The following NEDD4L variants were observed in gnomAD, a reference collection of about 807,000 sequenced individuals.
NEDD4L encodes NEDD4 like E3 ubiquitin protein ligase.
In NEDD4L, 54 loss-of-function variants were observed where a neutral mutation model predicts 148.9. That is an observed-to-expected ratio of 0.36 (90% CI 0.29 to 0.45). The LOEUF is 0.45. NEDD4L is among the 20% of genes least tolerant of loss of function. The pLI, the probability that NEDD4L is intolerant of heterozygous loss-of-function variation, is 1.00. For missense variants in NEDD4L, 856 were observed against 1,233.8 expected (o/e 0.69, Z 4.59); for synonymous variants, 433 against 440.7 (o/e 0.98, Z 0.22).
intron 23 of NEDD4L, among the ~76,000 whole-genome samples, chr18:58,370,843 C>T (rs904952084): frequency 6.6e-6 from 1 of 152,164 alleles, no homozygotes; most frequent in Non-Finnish European, 1.5e-5. Flanking sequence ...TTCCTGACAT[C>T]ATAAAAATGG....
chr18:58,298,365 A>G (rs999210479), intron 5 of NEDD4L, among the ~76,000 whole-genome samples: 1 of 152,194 alleles, frequency 6.6e-6, no homozygotes, highest in African/African-American at 2.4e-5. Flanking sequence ...AACCCTGGTT[A>G]TCTTAGTAAA....
At chr18:58,237,558 C>T (rs2046177728) in intron 2 of NEDD4L, among the ~76,000 whole-genome samples, 1 of 152,116 alleles carries the variant, frequency 6.6e-6, no homozygotes, top group Admixed American at 6.5e-5. Context: ...TTGTGACTTC[C>T]ACTGAACAAC....
chr18:58,094,168 CCT>C (rs2084238930), intron 1 of NEDD4L, among the ~76,000 whole-genome samples: 2 of 149,838 alleles, frequency 1.3e-5, no homozygotes, highest in African/African-American at 4.9e-5. Flanking sequence ...TCCTGCACCC[CCT>C]TTTTTTTTTT....
At chr18:58,149,777 T>G (rs2034487655) in intron 1 of NEDD4L, among the ~76,000 whole-genome samples, 1 of 152,228 alleles carries the variant, frequency 6.6e-6, no homozygotes, top group African/African-American at 2.4e-5. Context: ...TAACCAGGCC[T>G]GATTGGTTTT....
At chr18:58,372,971 G>T in intron 23 of NEDD4L, 1 of 510,330 alleles carries the variant, frequency 2.0e-6, no homozygotes, top group South Asian at 2.1e-5. Context: ...GGATTTAACT[G>T]CAAGCTCATT....
chr18:58,094,166 C>G (rs534970800), intron 1 of NEDD4L, among the ~76,000 whole-genome samples: 1 of 150,204 alleles, frequency 6.7e-6, no homozygotes, highest in South Asian at 2.1e-4. Flanking sequence ...ACTCCTGCAC[C>G]CCCTTTTTTT....
chr18:58,370,158 A>G (rs2046659641), intron 22 of NEDD4L, among the ~76,000 whole-genome samples: 1 of 150,740 alleles, frequency 6.6e-6, no homozygotes, highest in Admixed American at 6.6e-5. Flanking sequence ...CTCATCTGTC[A>G]CCTCCCAGAG....
At chr18:58,262,856 A>G (rs1319264717) in intron 5 of NEDD4L, among the ~76,000 whole-genome samples, 1 of 152,166 alleles carries the variant, frequency 6.6e-6, no homozygotes, top group Non-Finnish European at 1.5e-5. Context: ...GTTTCATGCC[A>G]TGTCCTAAAC....
At position 58,348,326 on chromosome 18, in the gene NEDD4L, C is replaced by CTTTTTTT. The variant is rs771263533; in HGVS notation, c.1576-1194_1576-1188dup. Among the ~76,000 whole-genome samples, 737 of 88,606 alleles carry CTTTTTTT rather than the reference C, an allele frequency of 8.3e-3. 50 individuals carry two copies. Among genetic ancestry groups the CTTTTTTT allele is most frequent in the African/African-American group, 0.011 (196 of 18,508 alleles). The allele number at this position is 88,606 out of a possible 152,430, so 58.1% of individuals were successfully genotyped here. On this transcript the variant is annotated intron_variant, in intron 16 of 30. Coordinates refer to ENST00000400345, the MANE Select transcript of NEDD4L (RefSeq NM_001144967.3). The stretch of plus-strand genomic sequence containing the variant: ...CACTGCATTTCTTTTTCTTTTTTTT[C>CTTTTTTT]TTTTTTTTTTTTTTTTTTTTTTTGA...
intron 1 of NEDD4L, among the ~76,000 whole-genome samples, chr18:58,074,640 A>G (rs1453579383): frequency 6.6e-6 from 1 of 151,962 alleles, no homozygotes; most frequent in African/African-American, 2.4e-5. Flanking sequence ...GGGTAATTTG[A>G]GGGTATCAAA....
chr18:58,238,084 T>G (rs889484074), intron 2 of NEDD4L, among the ~76,000 whole-genome samples: 4 of 152,248 alleles, frequency 2.6e-5, no homozygotes, highest in Non-Finnish European at 5.9e-5. Context: ...AGGTGAAGAA[T>G]GCATTTGACT....
chr18:58,385,129 G>A (rs2048836102), intron 25 of NEDD4L, among the ~76,000 whole-genome samples: 1 of 152,176 alleles, frequency 6.6e-6, no homozygotes, highest in Non-Finnish European at 1.5e-5. Context: ...ATATATGTGG[G>A]TGTGTATACG....
intron 1 of NEDD4L, among the ~76,000 whole-genome samples, chr18:58,068,190 CTTT>C (rs201565393): frequency 1.0e-4 from 11 of 109,296 alleles, no homozygotes; most frequent in African/African-American, 4.2e-4. Context: ...TCCTAGAATT[CTTT>C]TTTTTTTTTT....
At chr18:58,195,660 A>T in intron 2 of NEDD4L, 3 of 1,351,862 alleles carry the variant, frequency 2.2e-6, no homozygotes, top group Non-Finnish European at 2.9e-6. Context: ...GTTAGGGGAA[A>T]CAGACCATCT....
At chr18:58,176,397 G>A (rs541995246) in intron 2 of NEDD4L, among the ~76,000 whole-genome samples, 1 of 152,298 alleles carries the variant, frequency 6.6e-6, no homozygotes, top group East Asian at 1.9e-4. Context: ...GTGCAGGGGT[G>A]CAATCATAGC....
chr18:58,357,572 C>T, intron 19 of NEDD4L: 1 of 513,582 alleles, frequency 1.9e-6, no homozygotes. Flanking sequence ...TGAAGCAAAA[C>T]CAAGCCCTAT....
At chr18:58,284,796 A>T (rs1286922269) in intron 5 of NEDD4L, among the ~76,000 whole-genome samples, 4 of 152,238 alleles carry the variant, frequency 2.6e-5, no homozygotes, top group African/African-American at 9.6e-5. Flanking sequence ...CCATGGCCAT[A>T]GAGAATGGTG....
At chr18:58,327,984 A>G (rs2059452166) in intron 9 of NEDD4L, among the ~76,000 whole-genome samples, 1 of 150,168 alleles carries the variant, frequency 6.7e-6, no homozygotes, top group Non-Finnish European at 1.5e-5. Flanking sequence ...TTGTTTTGAG[A>G]TGGAGTCTCA....
In NEDD4L at chr18:58,176,342, CTT is replaced by C. The variant is rs528949257; in HGVS notation, c.122+10485_122+10486del. Among the ~76,000 whole-genome samples the C allele has an allele frequency of 2.5e-4, 38 of 152,048 alleles. No individual in the cohort carries two copies. In the East Asian group the frequency reaches 6.4e-3, roughly 25 times the overall value. Reference sequence around the variant, plus strand: ...CCCCCTCATCTCTTTCTTCCTCACCCTTTTTAAAAAGAGACAGGAGTCTTGCT... The same window carrying C: ...CCCCCTCATCTCTTTCTTCCTCACCCTTTAAAAAGAGACAGGAGTCTTGCT... On this transcript the variant is annotated intron_variant, in intron 2 of 30. Transcript: ENST00000400345.
Sources: gnomAD v4.1 joint callset for allele counts (sites outside exome capture counted in the v4.1 genomes callset) on GRCh38, gnomAD v4.1.1 for gene constraint, MANE v1.5 for transcripts, NCBI Gene and HGNC (gene_info 2026-07-23, HGNC 2026-07-21) for gene names.